DCLK1: variants seen among roughly 807,000 people sequenced by gnomAD.
The protein encoded by DCLK1 is doublecortin like kinase 1.
DCLK1 carries 16 observed loss-of-function variants against 86.2 expected under a neutral mutation model. The ratio of observed to expected loss-of-function variants is 0.19; its 90% confidence interval spans 0.13 to 0.28. The LOEUF (loss-of-function observed/expected upper bound fraction) is 0.28, where lower values mean the gene tolerates loss of function less well. DCLK1 is among the 10% of genes least tolerant of loss of function. DCLK1 has a pLI of 1.00. For synonymous variants in DCLK1, 369 were observed against 370.5 expected, an observed-to-expected ratio of 1.00 and a Z score of 0.05; for missense variants, 590 against 940.2, an observed-to-expected ratio of 0.63 and a Z score of 4.87.
At chr13:35,911,298 A>C (rs1466258015) in intron 4 of DCLK1, among the ~76,000 whole-genome samples, 6 of 151,942 alleles carry the variant, frequency 3.9e-5, no homozygotes, top group Admixed American at 3.9e-4. Flanking sequence ...CGTCAAAAAA[A>C]AAAAAAAAAG....
chr13:36,021,044 A>G (rs1008568521), intron 3 of DCLK1, among the ~76,000 whole-genome samples: 1 of 152,182 alleles, frequency 6.6e-6, no homozygotes, highest in African/African-American at 2.4e-5. Flanking sequence ...GTGCAACTGC[A>G]TAAAGCTACA....
chr13:36,129,856 C>T (rs1264404130), intron 1 of DCLK1, among the ~76,000 whole-genome samples: 2 of 152,088 alleles, frequency 1.3e-5, no homozygotes, highest in Non-Finnish European at 2.9e-5. Context: ...ACCAACATCC[C>T]TGATTGTTCT....
intron 4 of DCLK1, among the ~76,000 whole-genome samples, chr13:35,906,561 C>A (rs1050398652): frequency 6.6e-6 from 1 of 152,018 alleles, no homozygotes; most frequent in Non-Finnish European, 1.5e-5. Context: ...GGGAATGAAA[C>A]CTTAAATTAT....
intron 6 of DCLK1, among the ~76,000 whole-genome samples, chr13:35,845,219 G>A (rs1870090246): frequency 6.6e-6 from 1 of 152,134 alleles, no homozygotes. Flanking sequence ...CTGCACTCCA[G>A]CCTCGGCAAC....
intron 4 of DCLK1, among the ~76,000 whole-genome samples, chr13:35,894,543 G>A (rs1873836226): frequency 8.2e-5 from 1 of 12,256 alleles, no homozygotes; most frequent in Non-Finnish European, 1.7e-4. Context: ...TTTGAGCAGT[G>A]CCTAGAGGCA....
intron 3 of DCLK1, among the ~76,000 whole-genome samples, chr13:35,966,739 C>T (rs915056053): frequency 6.6e-5 from 10 of 152,098 alleles, no homozygotes; most frequent in Non-Finnish European, 8.8e-5. Context: ...CTCCTGACCG[C>T]GAGTGATCTG....
intron 10 of DCLK1, among the ~76,000 whole-genome samples, chr13:35,826,773 C>T (rs1319620150): frequency 6.6e-6 from 1 of 152,120 alleles, no homozygotes; most frequent in African/African-American, 2.4e-5. Context: ...ACCTCACATT[C>T]AAGTCAGCAG....
At chr13:35,838,987 C>T in intron 7 of DCLK1, 105 bp downstream of exon 7, 4 of 1,058,346 alleles carry the variant, frequency 3.8e-6, no homozygotes, top group Non-Finnish European at 5.6e-6. Context: ...TCAGGAGCTG[C>T]TCAGCCTTGT....
rs139596382 is a variant in DCLK1 at position 36,050,484 on chromosome 13, G to A, written c.723+61385C>T. ...CAGAGAGGGTCAGGGAGAATTGAGTGCCAACCAGCACCAGAAGATCACAAA... is the reference window on the plus strand; with the variant it reads ...CAGAGAGGGTCAGGGAGAATTGAGTACCAACCAGCACCAGAAGATCACAAA... On this transcript the variant is annotated intron_variant, in intron 3 of 16. Coordinates refer to ENST00000360631, the MANE Select transcript of DCLK1 (RefSeq NM_001330071.2). Among the ~76,000 whole-genome samples, 30 of 152,170 alleles carry A rather than the reference G, an allele frequency of 2.0e-4. No individual in the cohort carries two copies. In the East Asian group the frequency reaches 2.3e-3, roughly 12 times the overall value.
intron 3 of DCLK1, among the ~76,000 whole-genome samples, chr13:36,007,515 AG>A (rs1881032693): frequency 6.6e-6 from 1 of 152,222 alleles, no homozygotes; most frequent in Admixed American, 6.5e-5. Context: ...TTGTGAGTAG[AG>A]ATGAATATTG....
chr13:35,936,750 T>A (rs1462987165), intron 4 of DCLK1, among the ~76,000 whole-genome samples: 1 of 152,128 alleles, frequency 6.6e-6, no homozygotes, highest in Non-Finnish European at 1.5e-5. Flanking sequence ...AGTGTTCTGA[T>A]GGATTTGAGG....
At chr13:36,094,122 C>T (rs1360361176) in intron 3 of DCLK1, among the ~76,000 whole-genome samples, 2 of 152,106 alleles carry the variant, frequency 1.3e-5, no homozygotes, top group Non-Finnish European at 2.9e-5. Context: ...AAATATGTTA[C>T]AGCATTTTTT....
intron 4 of DCLK1, among the ~76,000 whole-genome samples, chr13:35,913,730 AG>A (rs568687398): frequency 7.7e-4 from 118 of 152,276 alleles, no homozygotes; most frequent in African/African-American, 2.6e-3. Flanking sequence ...CCCAGCAAAA[AG>A]TCTGATACTG....
chr13:35,849,373 T>G lies in DCLK1; in HGVS notation c.1035+5126A>C, dbSNP rs528795920. The G allele has an allele frequency of 3.4e-4, 337 of 985,068 alleles. 1 individual carries two copies. The African/African-American group carries it at 5.5e-3, about 16-fold the overall frequency. 61.0% of individuals were successfully genotyped at this position (985,068 alleles called of 1,614,324 possible). A position where few individuals can be genotyped will look rare whatever the true frequency, so the allele number is the denominator to read the frequency against. On this transcript the variant is annotated intron_variant, in intron 6 of 16. Coordinates refer to ENST00000360631, the MANE Select transcript of DCLK1 (RefSeq NM_001330071.2). The stretch of plus-strand genomic sequence containing the variant: ...AAGTAAAATTTGAAAAAAAAAATCA[T>G]GTAAAAGCCTCCAAATGGCATCAAA...
At chr13:36,088,345 G>A (rs1368865168) in intron 3 of DCLK1, among the ~76,000 whole-genome samples, 1 of 152,224 alleles carries the variant, frequency 6.6e-6, no homozygotes, top group Non-Finnish European at 1.5e-5. Flanking sequence ...ATTGTGAGCA[G>A]GTGAGCTGCC....
intron 2 of DCLK1, among the ~76,000 whole-genome samples, chr13:36,114,464 G>A (rs976579420): frequency 6.6e-6 from 1 of 152,210 alleles, no homozygotes; most frequent in African/African-American, 2.4e-5. Context: ...GCTAAAGGAA[G>A]GAGAAGGAGC....
At chr13:35,972,775 G>A (rs771303328) in intron 3 of DCLK1, among the ~76,000 whole-genome samples, 4 of 152,072 alleles carry the variant, frequency 2.6e-5, no homozygotes, top group African/African-American at 9.7e-5. Flanking sequence ...GAGGAAAAGG[G>A]AGGCCCCATC....
chr13:36,006,158 C>T (rs746036710), intron 3 of DCLK1, among the ~76,000 whole-genome samples: 4 of 152,010 alleles, frequency 2.6e-5, no homozygotes, highest in South Asian at 2.1e-4. Context: ...ATTCAGCACA[C>T]GTATCCCAGA....
At chr13:35,914,369 GTATATA>G (rs34226717) in intron 4 of DCLK1, among the ~76,000 whole-genome samples, 22,306 of 117,666 alleles carry the variant, frequency 0.19, 2,576 homozygotes, top group East Asian at 0.36. Flanking sequence ...ATATATATAT[GTATATA>G]TATATATATA....
Sources: gnomAD v4.1 joint callset for allele counts (sites outside exome capture counted in the v4.1 genomes callset) on GRCh38, gnomAD v4.1.1 for gene constraint, MANE v1.5 for transcripts, NCBI Gene and HGNC (gene_info 2026-07-23, HGNC 2026-07-21) for gene names.